The following GHR variants were observed in gnomAD, a reference collection of about 807,000 sequenced individuals.
The protein encoded by GHR is growth hormone receptor, also known as GH receptor.
A neutral mutation model predicts 67.1 loss-of-function variants in GHR; 35 were observed. The ratio of observed to expected loss-of-function variants is 0.52; its 90% CI spans 0.40 to 0.69. GHR has a LOEUF of 0.69. Ranked by LOEUF, GHR falls within the 30% of genes least tolerant of loss-of-function variation. The pLI is 0.00. For synonymous variants in GHR, 272 were observed against 269.1 expected (o/e 1.01, Z -0.10); for missense variants, 792 against 764.6 (o/e 1.04, Z -0.42).
At chr5:42,609,335 G>C (rs896311724) in intron 2 of GHR, among the ~76,000 whole-genome samples, 2 of 152,192 alleles carry the variant, frequency 1.3e-5, no homozygotes, top group African/African-American at 4.8e-5. Context: ...AATGTCATCT[G>C]TAATGGCCAA....
intron 3 of GHR, among the ~76,000 whole-genome samples, chr5:42,669,945 C>G (rs1399307206): frequency 6.6e-6 from 1 of 152,062 alleles, no homozygotes; most frequent in Non-Finnish European, 1.5e-5. Flanking sequence ...GAGATCTATA[C>G]TACCCAAAGC....
rs958099280 is a variant in GHR, at chr5:42,447,214, G to A, written c.-12+23259G>A. Among the ~76,000 whole-genome samples, 16 of 152,000 alleles carry A rather than the reference G, an allele frequency of 1.1e-4. No individual in the cohort carries two copies. The East Asian group carries it at 1.9e-3, about 18-fold the overall frequency. ...TGGTTCCACGAATAAGTTCTTTAGC[G>A]GTGATGTCTAAGATTGTGGTGCACC... On this transcript the variant is annotated intron_variant, in intron 1 of 9. Transcript: ENST00000230882.
chr5:42,552,857 A>G (rs1333323545), intron 1 of GHR, among the ~76,000 whole-genome samples: 1 of 152,166 alleles, frequency 6.6e-6, no homozygotes, highest in Admixed American at 6.5e-5. Flanking sequence ...CTGTGTTGGG[A>G]CATTTTTTTG....
intron 1 of GHR, among the ~76,000 whole-genome samples, chr5:42,563,682 C>CCTAT (rs1469709939): frequency 6.0e-5 from 9 of 149,410 alleles, no homozygotes; most frequent in Non-Finnish European, 1.5e-5. Context: ...GTGGTGCACA[C>CCTAT]CTATAGTCCC....
intron 2 of GHR, among the ~76,000 whole-genome samples, chr5:42,588,397 G>A (rs1197893639): frequency 1.3e-5 from 2 of 151,992 alleles, no homozygotes; most frequent in East Asian, 1.9e-4. Flanking sequence ...GCACACGCCT[G>A]TAGTCCCAGC....
chr5:42,660,356 C>T (rs1349462375), intron 3 of GHR, among the ~76,000 whole-genome samples: 1 of 152,144 alleles, frequency 6.6e-6, no homozygotes, highest in African/African-American at 2.4e-5. Context: ...CTGGGAGACA[C>T]CCCTCAGTAG....
chr5:42,489,748 T>C (rs1273749155), intron 1 of GHR, among the ~76,000 whole-genome samples: 1 of 152,242 alleles, frequency 6.6e-6, no homozygotes, highest in Non-Finnish European at 1.5e-5. Context: ...TTGGGCATTT[T>C]GATAAATTTC....
chr5:42,562,396 AT>A (rs545991648), intron 1 of GHR, among the ~76,000 whole-genome samples: 1 of 151,864 alleles, frequency 6.6e-6, no homozygotes, highest in Non-Finnish European at 1.5e-5. Context: ...ATCCATCCAC[AT>A]TTTTTTATCC....
intron 1 of GHR, chr5:42,468,577 CG>C (rs1056027373): frequency 1.2e-5 from 12 of 972,226 alleles, no homozygotes; most frequent in Non-Finnish European, 1.9e-5. Flanking sequence ...GCACCATGGA[CG>C]GCTGCGTCTC....
chr5:42,583,878 G>GATATATATATATATATATATATATATAT (rs138386131), intron 2 of GHR, among the ~76,000 whole-genome samples: 28 of 138,942 alleles, frequency 2.0e-4, no homozygotes, highest in Admixed American at 1.7e-3. Flanking sequence ...TTTAAATAAA[G>GATATATATATATATATATATATATATAT]ATATATATAT....
chr5:42,577,451 G>T (rs1449808342), intron 2 of GHR, among the ~76,000 whole-genome samples: 2 of 152,122 alleles, frequency 1.3e-5, no homozygotes, highest in Non-Finnish European at 2.9e-5. Flanking sequence ...TAGATGTTCA[G>T]TTATGCGAAA....
intron 6 of GHR, among the ~76,000 whole-genome samples, chr5:42,701,937 G>A (rs1757949749): frequency 6.6e-6 from 1 of 151,794 alleles, no homozygotes; most frequent in African/African-American, 2.4e-5. Flanking sequence ...TTTTTTTAAT[G>A]ATCAAAAATT....
intron 1 of GHR, among the ~76,000 whole-genome samples, chr5:42,475,677 G>A (rs1164271881): frequency 2.6e-5 from 4 of 151,880 alleles, no homozygotes; most frequent in Non-Finnish European, 5.9e-5. Context: ...GTGTAGGAAT[G>A]GAATGAGTAA....
chr5:42,687,429 A>G (rs1316870359), intron 3 of GHR, among the ~76,000 whole-genome samples: 2 of 152,206 alleles, frequency 1.3e-5, no homozygotes, highest in Admixed American at 1.3e-4. Flanking sequence ...ATTTTTCTAC[A>G]TAGGATCCCC....
intron 3 of GHR, among the ~76,000 whole-genome samples, chr5:42,633,201 T>G (rs1210520851): frequency 1.3e-5 from 2 of 152,164 alleles, no homozygotes; most frequent in Non-Finnish European, 2.9e-5. Flanking sequence ...AAGTGTAAAT[T>G]TTGTGATTGA....
chr5:42,598,443 G>A (rs1752196737), intron 2 of GHR, among the ~76,000 whole-genome samples: 1 of 152,168 alleles, frequency 6.6e-6, no homozygotes, highest in Non-Finnish European at 1.5e-5. Flanking sequence ...TAGTGCACAG[G>A]CTGCTGGGTA....
At chr5:42,481,475 C>A (rs925661637) in intron 1 of GHR, among the ~76,000 whole-genome samples, 1 of 152,214 alleles carries the variant, frequency 6.6e-6, no homozygotes, top group Admixed American at 6.5e-5. Flanking sequence ...TAATATCCTG[C>A]AGAGTGTTTT....
At chr5:42,435,722 T>C (rs1430515607) in intron 1 of GHR, among the ~76,000 whole-genome samples, 2 of 152,208 alleles carry the variant, frequency 1.3e-5, no homozygotes, top group African/African-American at 4.8e-5. Flanking sequence ...CACATCTTCT[T>C]TTCTGTTCCA....
intron 2 of GHR, among the ~76,000 whole-genome samples, chr5:42,582,210 C>G (rs1442173080): frequency 1.3e-5 from 2 of 152,224 alleles, no homozygotes; most frequent in African/African-American, 4.8e-5. Flanking sequence ...CAGACAGGCT[C>G]CTGGGCAGAA....
Sources: gnomAD v4.1 joint callset for allele counts (sites outside exome capture counted in the v4.1 genomes callset) on GRCh38, gnomAD v4.1.1 for gene constraint, MANE v1.5 for transcripts, NCBI Gene and HGNC (gene_info 2026-07-23, HGNC 2026-07-21) for gene names.